Variants in SPAG16 observed in about 807,000 individuals in gnomAD.
SPAG16 encodes sperm associated antigen 16.
Under a neutral mutation model 80.4 loss-of-function variants are expected in SPAG16, and 86 were observed. The ratio of observed to expected loss-of-function variants is 1.07; its 90% CI spans 0.90 to 1.28. The LOEUF is 1.28. SPAG16 is among the 50% of genes most tolerant of loss of function. The pLI is 0.00. For synonymous variants in SPAG16, 294 were observed against 265.9 expected, an observed-to-expected ratio of 1.11 and a Z score of -1.03; for missense variants, 870 against 765.3, an observed-to-expected ratio of 1.14 and a Z score of -1.61.
At chr2:214,278,827 A>G (rs999630285) in intron 15 of SPAG16, among the ~76,000 whole-genome samples, 4 of 152,166 alleles carry the variant, frequency 2.6e-5, no homozygotes, top group African/African-American at 7.2e-5. Context: ...TTGTTTTTAT[A>G]CCTACATTTG....
In SPAG16 at chr2:213,492,187, A is replaced by C. The variant is rs1233459653; in HGVS notation, c.1070+2097A>C. Among the ~76,000 whole-genome samples, 4 of 135,740 alleles carry C rather than the reference A, an allele frequency of 2.9e-5. No homozygotes were observed. The East Asian group carries it at 7.7e-4, about 26-fold the overall frequency. The allele number at this position is 135,740 out of a possible 152,430, so 89.1% of individuals were successfully genotyped here. A position where few individuals can be genotyped will look rare whatever the true frequency, so the allele number is the denominator to read the frequency against. On this transcript the variant is annotated intron_variant, in intron 10 of 15. Coordinates refer to ENST00000331683, the MANE Select transcript of SPAG16 (RefSeq NM_024532.5). Reference sequence around the variant, plus strand: ...TCTCATTCTATACTACCAGTCCTTAACTAGACATAATATAAAACTCAATTT... The same window carrying C: ...TCTCATTCTATACTACCAGTCCTTACCTAGACATAATATAAAACTCAATTT...
chr2:213,837,939 T>C (rs967557515), intron 10 of SPAG16, among the ~76,000 whole-genome samples: 1 of 152,094 alleles, frequency 6.6e-6, no homozygotes, highest in African/African-American at 2.4e-5. Context: ...CCAAGAAATG[T>C]AGTTCAGAAT....
chr2:213,586,962 G>A (rs2060496044), intron 10 of SPAG16, among the ~76,000 whole-genome samples: 1 of 152,182 alleles, frequency 6.6e-6, no homozygotes, highest in African/African-American at 2.4e-5. Flanking sequence ...AGTGTCTTCA[G>A]TGTCTCTGTG....
intron 10 of SPAG16, among the ~76,000 whole-genome samples, chr2:213,578,041 C>G (rs1231485925): frequency 1.3e-5 from 2 of 151,980 alleles, no homozygotes; most frequent in African/African-American, 4.8e-5. Context: ...AATCAAATGT[C>G]CACCTCTGTT....
chr2:214,229,194 A>G (rs75804544), intron 15 of SPAG16, among the ~76,000 whole-genome samples: 1 of 93,888 alleles, frequency 1.1e-5, no homozygotes, highest in Non-Finnish European at 2.0e-5. Context: ...AAGAAAGTAT[A>G]TAAAGGATGT....
intron 1 of SPAG16, among the ~76,000 whole-genome samples, chr2:213,293,699 A>C (rs191431343): frequency 6.6e-6 from 1 of 152,194 alleles, no homozygotes; most frequent in Non-Finnish European, 1.5e-5. Context: ...GAGACCCCCA[A>C]GTCAGATTCT....
chr2:213,559,925 T>C (rs997691154), intron 10 of SPAG16, among the ~76,000 whole-genome samples: 2 of 152,156 alleles, frequency 1.3e-5, no homozygotes, highest in African/African-American at 4.8e-5. Context: ...ATAGGTATTT[T>C]CTTGCATGTT....
At chr2:214,163,968 C>T (rs1196693582) in intron 15 of SPAG16, among the ~76,000 whole-genome samples, 1 of 152,006 alleles carries the variant, frequency 6.6e-6, no homozygotes, top group Admixed American at 6.6e-5. Context: ...AATACCTGTA[C>T]AGCATTATCT....
intron 15 of SPAG16, among the ~76,000 whole-genome samples, chr2:214,246,150 G>A (rs1358239591): frequency 6.6e-6 from 1 of 152,104 alleles, no homozygotes; most frequent in Admixed American, 6.6e-5. Flanking sequence ...GAGGGAATTA[G>A]GAGATATATG....
intron 12 of SPAG16, among the ~76,000 whole-genome samples, chr2:214,008,018 C>T (rs2047106308): frequency 1.3e-5 from 2 of 152,012 alleles, no homozygotes; most frequent in East Asian, 1.9e-4. Flanking sequence ...TATGTTAGAC[C>T]TTGTAATATT....
chr2:214,088,636 A>G (rs1341857573), intron 13 of SPAG16, among the ~76,000 whole-genome samples: 1 of 152,106 alleles, frequency 6.6e-6, no homozygotes, highest in Admixed American at 6.6e-5. Context: ...CTAGAAAATT[A>G]TAAATTAATA....
chr2:213,520,243 T>C (rs1237274135), intron 10 of SPAG16, among the ~76,000 whole-genome samples: 1 of 151,976 alleles, frequency 6.6e-6, no homozygotes, highest in Non-Finnish European at 1.5e-5. Flanking sequence ...CCAGAAGGAA[T>C]ATGCTGTGCT....
At chr2:214,125,563 G>T (rs2054433418) in intron 14 of SPAG16, among the ~76,000 whole-genome samples, 1 of 151,576 alleles carries the variant, frequency 6.6e-6, no homozygotes, top group African/African-American at 2.4e-5. Context: ...CAAACAGAAG[G>T]ACAGTCTGTT....
intron 10 of SPAG16, among the ~76,000 whole-genome samples, chr2:213,682,990 C>G (rs1176523334): frequency 6.6e-6 from 1 of 152,100 alleles, no homozygotes; most frequent in Non-Finnish European, 1.5e-5. Context: ...AGTATAAAAA[C>G]AGACTGGCTT....
chr2:213,335,771 G>A (rs1327624820), intron 5 of SPAG16, among the ~76,000 whole-genome samples: 1 of 152,140 alleles, frequency 6.6e-6, no homozygotes, highest in Non-Finnish European at 1.5e-5. Context: ...CATGAGTATT[G>A]TGAGTCACCT....
At chr2:213,999,493 C>T (rs974654560) in intron 12 of SPAG16, among the ~76,000 whole-genome samples, 4 of 152,222 alleles carry the variant, frequency 2.6e-5, no homozygotes, top group African/African-American at 9.6e-5. Flanking sequence ...GGGCAGGGTG[C>T]TCATGAAGAA....
intron 7 of SPAG16, among the ~76,000 whole-genome samples, chr2:213,351,896 C>G (rs1390911020): frequency 2.6e-5 from 4 of 152,072 alleles, no homozygotes; most frequent in African/African-American, 9.7e-5. Flanking sequence ...CCATCCAAAT[C>G]TCACCTTGAA....
intron 9 of SPAG16, among the ~76,000 whole-genome samples, chr2:213,402,995 A>G (rs2068406494): frequency 6.6e-6 from 1 of 152,000 alleles, no homozygotes; most frequent in Non-Finnish European, 1.5e-5. Context: ...TCCCTGAGGA[A>G]TCGCCACACT....
At chr2:213,676,214 A>G (rs199765152) in intron 10 of SPAG16, among the ~76,000 whole-genome samples, 2 of 152,064 alleles carry the variant, frequency 1.3e-5, no homozygotes, top group South Asian at 2.1e-4. Flanking sequence ...AATGCTTGTG[A>G]TTTTTGTACA....
Sources: allele counts gnomAD v4.1 joint callset (sites outside exome capture counted in the v4.1 genomes callset), GRCh38; gene constraint gnomAD v4.1.1; transcripts MANE v1.5; gene names NCBI Gene and HGNC (gene_info 2026-07-23, HGNC 2026-07-21).